WWP1: variants seen among roughly 807,000 people sequenced by gnomAD.
The protein encoded by WWP1 is WW domain containing E3 ubiquitin protein ligase 1.
In WWP1, 49 loss-of-function variants were observed where a neutral mutation model predicts 130.6. The ratio of observed to expected loss-of-function variants is 0.38; its 90% CI spans 0.30 to 0.48. WWP1 has a LOEUF of 0.48. Ranked by LOEUF, WWP1 falls within the 20% of genes least tolerant of loss-of-function variation. The pLI is 0.99. For missense variants in WWP1, 809 were observed against 1,100.6 expected, an observed-to-expected ratio of 0.74 and a Z score of 3.75; for synonymous variants, 332 against 367.8, an observed-to-expected ratio of 0.90 and a Z score of 1.11.
At chr8:86,422,419 G>A (rs964159930) in intron 9 of WWP1, among the ~76,000 whole-genome samples, 1 of 151,416 alleles carries the variant, frequency 6.6e-6, no homozygotes, top group African/African-American at 2.4e-5. Flanking sequence ...CTGGAGTGCG[G>A]TGCAATCTTG....
At chr8:86,443,200 G>A (rs1044598462) in intron 18 of WWP1, among the ~76,000 whole-genome samples, 1 of 151,978 alleles carries the variant, frequency 6.6e-6, no homozygotes, top group Non-Finnish European at 1.5e-5. Context: ...AGCCTCCCAA[G>A]TAGCTGAGAC....
chr8:86,419,116 C>T (rs1809053450), intron 9 of WWP1, among the ~76,000 whole-genome samples: 1 of 152,136 alleles, frequency 6.6e-6, no homozygotes, highest in Non-Finnish European at 1.5e-5. Flanking sequence ...CTAGAAAATA[C>T]TGTTTTAAGA....
At chr8:86,442,805 A>T in intron 18 of WWP1, 27 bp downstream of exon 18, 1 of 1,556,190 alleles carries the variant, frequency 6.4e-7, no homozygotes. Context: ...ATTATTATTT[A>T]TTTAAGTTTG....
intron 9 of WWP1, among the ~76,000 whole-genome samples, chr8:86,420,236 A>C (rs1004379531): frequency 1.4e-4 from 21 of 152,228 alleles, no homozygotes; most frequent in African/African-American, 5.1e-4. Context: ...GAAGCTAATC[A>C]GAAGGCAGGT....
intron 8 of WWP1, 65 bp downstream of exon 8, chr8:86,402,268 A>T: frequency 6.6e-7 from 1 of 1,521,748 alleles, no homozygotes; most frequent in South Asian, 1.3e-5. Flanking sequence ...GTATCCATCC[A>T]TGCCTACACT....
At chr8:86,440,319 TTGG>T (rs1810523045) in intron 17 of WWP1, among the ~76,000 whole-genome samples, 1 of 152,230 alleles carries the variant, frequency 6.6e-6, no homozygotes. Context: ...AATTCATGTA[TTGG>T]TGGGCTAGAT....
intron 2 of WWP1, among the ~76,000 whole-genome samples, chr8:86,370,782 G>A (rs1563472748): frequency 6.9e-6 from 1 of 143,886 alleles, no homozygotes. Flanking sequence ...GAACTCATCT[G>A]TCTTTTTTCT....
chr8:86,467,247 T>C lies in WWP1; in HGVS notation c.*354T>C, dbSNP rs1319777976. On this transcript the variant is annotated 3_prime_UTR_variant, in exon 25 of 25. Coordinates refer to ENST00000517970, the MANE Select transcript of WWP1 (RefSeq NM_007013.4). ...CCATTCATTCATAAAGATCTGGATT[T>C]GCTTTACCTTGTTAATATTATCTAG... is the stretch of plus-strand genomic sequence containing the variant. The C allele has an allele frequency of 6.0e-6, 1 of 168,046 alleles. No homozygotes were observed. The highest frequency in any genetic ancestry group is 1.3e-5 in the Non-Finnish European group (1 of 79,032). 10.4% of individuals were successfully genotyped at this position (168,046 alleles called of 1,614,324 possible).
intron 1 of WWP1, among the ~76,000 whole-genome samples, chr8:86,367,987 C>T (rs949487470): frequency 1.3e-5 from 2 of 152,138 alleles, no homozygotes; most frequent in African/African-American, 4.8e-5. Flanking sequence ...GTTTCTTCTC[C>T]ATGGACCTGT....
intron 18 of WWP1, among the ~76,000 whole-genome samples, chr8:86,446,418 A>G (rs1810884600): frequency 6.6e-6 from 1 of 151,948 alleles, no homozygotes; most frequent in African/African-American, 2.4e-5. Context: ...TAGTTTGTGA[A>G]TATTTTCTCC....
At chr8:86,360,416 T>C (rs1270172754) in intron 1 of WWP1, among the ~76,000 whole-genome samples, 1 of 152,166 alleles carries the variant, frequency 6.6e-6, no homozygotes, top group Non-Finnish European at 1.5e-5. Context: ...TTCCTTGAAG[T>C]TTTCTTTTGG....
chr8:86,402,213 G>A lies in WWP1; in HGVS notation c.724+10G>A. 1 of 1,610,994 alleles carries A rather than the reference G, an allele frequency of 6.2e-7. No homozygotes were observed. Among genetic ancestry groups the A allele is most frequent in the South Asian group, 1.1e-5 (1 of 90,678 alleles). On this transcript the variant is annotated intron_variant, in intron 8 of 24. Transcript: ENST00000517970. ...CCTGCCGATGACACTGGTAAGCAAG[G>A]CTATTTATGACACCTTGTTTAAAGG...
intron 11 of WWP1, among the ~76,000 whole-genome samples, chr8:86,428,792 C>T (rs1479914807): frequency 1.3e-5 from 2 of 151,788 alleles, no homozygotes; most frequent in Non-Finnish European, 2.9e-5. Flanking sequence ...GTAATTATAC[C>T]GTGTGGTATA....
chr8:86,428,685 C>T (rs1348916898), intron 11 of WWP1, among the ~76,000 whole-genome samples: 1 of 152,096 alleles, frequency 6.6e-6, no homozygotes, highest in East Asian at 1.9e-4. Flanking sequence ...GAGTGGGCAG[C>T]CTAGTTTCCA....
At position 86,344,596 on chromosome 8, in the gene WWP1, A is replaced by C. The variant is rs536311790; in HGVS notation, c.-115+1666A>C. On this transcript the variant is annotated intron_variant, in intron 1 of 24. Transcript: ENST00000517970. ...ATATATAAGTTTCATAAATGGTACCAAAATCCTCTCAGAAGTCAACTTCAA... is the reference window on the plus strand; with the variant it reads ...ATATATAAGTTTCATAAATGGTACCCAAATCCTCTCAGAAGTCAACTTCAA... Among the ~76,000 whole-genome samples the C allele has an allele frequency of 1.1e-4, 17 of 152,340 alleles. No homozygotes were observed. In the East Asian group the frequency reaches 2.5e-3, roughly 22 times the overall value.
At chr8:86,402,727 T>C (rs761519845) in intron 8 of WWP1, among the ~76,000 whole-genome samples, 3 of 152,222 alleles carry the variant, frequency 2.0e-5, no homozygotes, top group Non-Finnish European at 4.4e-5. Flanking sequence ...GTCAGAACTT[T>C]TACTGAGCAA....
intron 9 of WWP1, among the ~76,000 whole-genome samples, chr8:86,421,873 A>G (rs1809235057): frequency 6.6e-6 from 1 of 152,172 alleles, no homozygotes. Flanking sequence ...TTAACAAATA[A>G]TCGGGAAAAG....
intron 5 of WWP1, among the ~76,000 whole-genome samples, chr8:86,397,379 T>C (rs994903829): frequency 7.2e-5 from 11 of 152,256 alleles, no homozygotes; most frequent in African/African-American, 2.7e-4. Flanking sequence ...AGTGATGTTA[T>C]GATCAATTAA....
chr8:86,421,741 G>T (rs1480196993), intron 9 of WWP1, among the ~76,000 whole-genome samples: 1 of 152,060 alleles, frequency 6.6e-6, no homozygotes, highest in African/African-American at 2.4e-5. Flanking sequence ...GGAGAATGGT[G>T]TGAACCCGGG....
Sources: allele counts gnomAD v4.1 joint callset (sites outside exome capture counted in the v4.1 genomes callset), GRCh38; gene constraint gnomAD v4.1.1; transcripts MANE v1.5; gene names NCBI Gene and HGNC (gene_info 2026-07-23, HGNC 2026-07-21).